Variants in ACCSL observed in about 807,000 individuals in gnomAD.
ACCSL encodes 1-aminocyclopropane-1-carboxylate synthase homolog (inactive) like.
ACCSL carries 55 observed loss-of-function variants against 61.7 expected under a neutral mutation model. That is an observed-to-expected ratio of 0.89 (90% CI 0.72 to 1.12). The LOEUF is 1.12. Ranked by LOEUF, ACCSL falls within the 50% of genes most tolerant of loss-of-function variation. The pLI is 0.00. For synonymous variants in ACCSL, 258 were observed against 264.3 expected, an observed-to-expected ratio of 0.98 and a Z score of 0.23; for missense variants, 632 against 698.0, an observed-to-expected ratio of 0.91 and a Z score of 1.07.
the ACCSL span, among the ~76,000 whole-genome samples, chr11:43,952,930 C>T: frequency 1.3e-5 from 2 of 152,234 alleles, no homozygotes; most frequent in Non-Finnish European, 2.9e-5. Context: ...TGAGGAACCT[C>T]CTCTGCCAGA....
At chr11:44,033,632 T>C in the ACCSL span, among the ~76,000 whole-genome samples, 3 of 152,126 alleles carry the variant, frequency 2.0e-5, no homozygotes, top group African/African-American at 7.2e-5. Flanking sequence ...CAGTGGTAGA[T>C]AGTGTCAATG....
the ACCSL span, among the ~76,000 whole-genome samples, chr11:44,014,317 G>C: frequency 6.6e-6 from 1 of 152,152 alleles, no homozygotes. Flanking sequence ...CTGAAAACTG[G>C]ACTGGGCTTC....
chr11:43,976,074 A>C, the ACCSL span, among the ~76,000 whole-genome samples: 1 of 152,214 alleles, frequency 6.6e-6, no homozygotes, highest in Admixed American at 6.5e-5. Flanking sequence ...GTAGTTTATC[A>C]GTCTACAGAT....
At chr11:44,035,282 C>T in the ACCSL span, among the ~76,000 whole-genome samples, 78 of 151,976 alleles carry the variant, frequency 5.1e-4, 1 homozygote, top group Middle Eastern at 0.024. Context: ...GTCTCGTTGC[C>T]GTCTCTCTTC....
rs755733351 is a variant in ACCSL, at chr11:44,048,030, C to T, written c.-7C>T. The T allele has an allele frequency of 1.1e-5, 17 of 1,601,598 alleles. No individual in the cohort carries two copies. In the Admixed American group the frequency reaches 1.3e-4, roughly 13 times the overall value. On this transcript the variant is annotated 5_prime_UTR_variant, in exon 1 of 14. Coordinates refer to ENST00000378832, the MANE Select transcript of ACCSL (RefSeq NM_001031854.2). The stretch of plus-strand genomic sequence containing the variant: ...AGCCTTCAGAGGCCAGTAAAGATAC[C>T]CGGAGTATGAGTCATCGGTCAGACA...
chr11:43,978,041 G>A, the ACCSL span, among the ~76,000 whole-genome samples: 11 of 125,010 alleles, frequency 8.8e-5, no homozygotes, highest in South Asian at 2.5e-4. Flanking sequence ...ATGGAGCCTC[G>A]CTCTATTGCC....
At chr11:44,050,011 G>T (rs374307818) in intron 1 of ACCSL, 51 bp from the exon 2 acceptor site, 1 of 1,612,734 alleles carries the variant, frequency 6.2e-7, no homozygotes, top group Non-Finnish European at 8.5e-7. Context: ...AGGGATCTAT[G>T]TAGGGTGGAG....
chr11:43,984,105 A>G, the ACCSL span, among the ~76,000 whole-genome samples: 19 of 151,994 alleles, frequency 1.3e-4, no homozygotes, highest in African/African-American at 3.9e-4. Flanking sequence ...TGACAGAGCG[A>G]GACTCCATAT....
the ACCSL span, among the ~76,000 whole-genome samples, chr11:43,922,590 T>C: frequency 6.6e-6 from 1 of 152,306 alleles, no homozygotes; most frequent in South Asian, 2.1e-4. Context: ...GGAAGCTCCT[T>C]TTGAGGGGAC....
At chr11:43,956,648 T>C in the ACCSL span, among the ~76,000 whole-genome samples, 3 of 152,230 alleles carry the variant, frequency 2.0e-5, no homozygotes, top group Admixed American at 2.0e-4. Flanking sequence ...CTCAATCTCC[T>C]GACCTTGTGA....
chr11:43,932,844 C>T, the ACCSL span, among the ~76,000 whole-genome samples: 1 of 152,328 alleles, frequency 6.6e-6, no homozygotes, highest in Non-Finnish European at 1.5e-5. Context: ...AACTCGGAAG[C>T]GGTTCCTTCC....
chr11:43,993,826 T>C, the ACCSL span, among the ~76,000 whole-genome samples: 2 of 152,140 alleles, frequency 1.3e-5, no homozygotes, highest in African/African-American at 4.8e-5. Flanking sequence ...AGTCGGGGCA[T>C]TTTGGATTGC....
At chr11:44,012,697 A>G in the ACCSL span, among the ~76,000 whole-genome samples, 7 of 152,222 alleles carry the variant, frequency 4.6e-5, no homozygotes, top group Admixed American at 4.6e-4. Context: ...GATATACTTG[A>G]AGTTGTGTGC....
At chr11:43,952,129 T>C in the ACCSL span, among the ~76,000 whole-genome samples, 3 of 152,134 alleles carry the variant, frequency 2.0e-5, no homozygotes, top group Non-Finnish European at 4.4e-5. Context: ...CGTGGGTAAA[T>C]TGCGTGTCTC....
the ACCSL span, among the ~76,000 whole-genome samples, chr11:43,990,974 G>T: frequency 1.3e-5 from 2 of 152,074 alleles, no homozygotes; most frequent in Non-Finnish European, 2.9e-5. Flanking sequence ...GGGAGGCTGA[G>T]GCAGGAGAAT....
chr11:43,983,103 G>C, the ACCSL span, among the ~76,000 whole-genome samples: 9 of 152,188 alleles, frequency 5.9e-5, no homozygotes. Flanking sequence ...GGGGATCTGA[G>C]TGAGCATCAC....
the ACCSL span, among the ~76,000 whole-genome samples, chr11:43,992,218 A>C: frequency 2.6e-5 from 1 of 38,498 alleles, no homozygotes; most frequent in African/African-American, 1.7e-4. Context: ...TGCCTGGCTA[A>C]TTTTTGTATT....
the ACCSL span, among the ~76,000 whole-genome samples, chr11:44,002,100 G>A: frequency 1.3e-5 from 2 of 152,086 alleles, no homozygotes; most frequent in Non-Finnish European, 2.9e-5. Context: ...GGACAAGGAG[G>A]GGGGAAGTGT....
chr11:44,008,264 A>C, the ACCSL span, among the ~76,000 whole-genome samples: 1 of 152,174 alleles, frequency 6.6e-6, no homozygotes, highest in Non-Finnish European at 1.5e-5. Context: ...GGAGGCCCTG[A>C]CCACTGCAAA....
Sources: gnomAD v4.1 joint callset for allele counts (sites outside exome capture counted in the v4.1 genomes callset) on GRCh38, gnomAD v4.1.1 for gene constraint, MANE v1.5 for transcripts, NCBI Gene and HGNC (gene_info 2026-07-23, HGNC 2026-07-21) for gene names.